Variants in VAPB observed in about 807,000 individuals in gnomAD.
VAPB encodes the protein vesicle-associated membrane protein-associated protein B/C.
VAPB carries 7 observed loss-of-function variants against 25.6 expected under a neutral mutation model. That is an observed-to-expected ratio of 0.27 (90% CI 0.16 to 0.51). The LOEUF is 0.51. VAPB is among the 20% of genes least tolerant of loss of function. The pLI is 0.97. For synonymous variants in VAPB, 112 were observed against 109.2 expected, an observed-to-expected ratio of 1.03 and a Z score of -0.16; for missense variants, 266 against 301.3, an observed-to-expected ratio of 0.88 and a Z score of 0.87.
chr20:58,450,266 TTG>T lies in VAPB; in HGVS notation c.*6033_*6034del. The T allele has an allele frequency of 2.2e-6, 1 of 452,676 alleles. No homozygotes were observed. Among genetic ancestry groups the T allele is most frequent in the Non-Finnish European group, 4.4e-6 (1 of 225,818 alleles). The allele number at this position is 452,676 out of a possible 1,614,324, so 28.0% of individuals were successfully genotyped here. On this transcript the variant is annotated 3_prime_UTR_variant, in exon 6 of 6. Coordinates refer to ENST00000475243, the MANE Select transcript of VAPB (RefSeq NM_004738.5). ...ATGTGAATTCAAAGGTCAGAATTTA[TTG>T]TCTGTGATATTGAGACCATGTGTAC...
At position 58,434,618 on chromosome 20, in the gene VAPB, C is replaced by T. The variant is rs548727806; in HGVS notation, c.228C>T (p.Phe76=). Residue 76 remains phenylalanine, a synonymous_variant, in exon 3 of 6, where the codon TTC becomes TTT. Coordinates refer to ENST00000475243, the MANE Select transcript of VAPB (RefSeq NM_004738.5). ...SINVSVMLQP[F]DYDPNEKSKH... ...CTTTCTCAGTGATGTTACAGCCTTT[C>T]GATTATGATCCCAATGAGAAAAGTA... 5 of 1,574,178 alleles carry T rather than the reference C, an allele frequency of 3.2e-6. No individual in the cohort carries two copies. Among genetic ancestry groups the T allele is most frequent in the East Asian group, 2.2e-5 (1 of 44,676 alleles).
chr20:58,392,532 A>T (rs1300711027), intron 1 of VAPB, among the ~76,000 whole-genome samples: 1 of 152,244 alleles, frequency 6.6e-6, no homozygotes. Context: ...ATGCTAAGAC[A>T]GTACAATTAA....
At chr20:58,398,022 T>G (rs1264447150) in intron 1 of VAPB, among the ~76,000 whole-genome samples, 1 of 152,200 alleles carries the variant, frequency 6.6e-6, no homozygotes, top group Non-Finnish European at 1.5e-5. Context: ...CGGAGTTACA[T>G]CCTCAGAAAC....
chr20:58,411,025 A>G (rs529747032), intron 1 of VAPB, among the ~76,000 whole-genome samples: 34 of 152,276 alleles, frequency 2.2e-4, no homozygotes, highest in African/African-American at 9.6e-5. Context: ...TAAGTTTTCA[A>G]CTTACTTGGG....
intron 1 of VAPB, 32 bp downstream of exon 1, chr20:58,389,549 G>A (rs1389732901): frequency 1.3e-6 from 2 of 1,552,130 alleles, no homozygotes; most frequent in Non-Finnish European, 1.7e-6. Context: ...CTTCCTGCCC[G>A]CGGCCTCCGC....
intron 3 of VAPB, among the ~76,000 whole-genome samples, chr20:58,438,629 G>T (rs1445594521): frequency 6.6e-6 from 1 of 152,202 alleles, no homozygotes; most frequent in Non-Finnish European, 1.5e-5. Context: ...TGGTCATCCA[G>T]ACATTGTTTA....
chr20:58,398,542 C>T (rs1024851346), intron 1 of VAPB, among the ~76,000 whole-genome samples: 6 of 148,220 alleles, frequency 4.0e-5, no homozygotes, highest in Non-Finnish European at 8.9e-5. Flanking sequence ...AGTTTCCAGC[C>T]TCTAGGTATT....
At chr20:58,402,862 T>C (rs1028495311) in intron 1 of VAPB, among the ~76,000 whole-genome samples, 11 of 152,056 alleles carry the variant, frequency 7.2e-5, no homozygotes, top group Non-Finnish European at 1.6e-4. Context: ...GAAATTAACC[T>C]GGTGTGGTGG....
At chr20:58,409,775 C>G (rs1382778361) in intron 1 of VAPB, among the ~76,000 whole-genome samples, 3 of 151,914 alleles carry the variant, frequency 2.0e-5, no homozygotes, top group African/African-American at 4.8e-5. Context: ...GGTTGAGTTT[C>G]AAAGTATTGT....
intron 4 of VAPB, chr20:58,439,415 C>G (rs923962916): frequency 1.3e-4 from 33 of 263,860 alleles, no homozygotes; most frequent in African/African-American, 5.6e-4. Context: ...TCTTGTTTTA[C>G]AAAGTGCCCT....
At chr20:58,393,002 G>A (rs1987846240) in intron 1 of VAPB, among the ~76,000 whole-genome samples, 1 of 152,138 alleles carries the variant, frequency 6.6e-6, no homozygotes, top group Non-Finnish European at 1.5e-5. Flanking sequence ...TGAACATTAA[G>A]CTCTTTCAGA....
At chr20:58,442,134 C>G (rs1195367714) in intron 5 of VAPB, among the ~76,000 whole-genome samples, 1 of 152,178 alleles carries the variant, frequency 6.6e-6, no homozygotes, top group Non-Finnish European at 1.5e-5. Flanking sequence ...TGCTAAACAC[C>G]TCTAAGGCCC....
At chr20:58,444,019 G>A (rs1228607962) in intron 5 of VAPB, 58 bp from the exon 6 acceptor site, 23 of 1,613,302 alleles carry the variant, frequency 1.4e-5, no homozygotes, top group Non-Finnish European at 1.1e-5. Context: ...AAGCTGTACA[G>A]TTGACTCCCC....
At chr20:58,419,867 G>T (rs1302415626) in intron 2 of VAPB, among the ~76,000 whole-genome samples, 5 of 152,182 alleles carry the variant, frequency 3.3e-5, no homozygotes. Context: ...TTTATAGGAA[G>T]AATAGGGAAT....
intron 1 of VAPB, among the ~76,000 whole-genome samples, chr20:58,398,173 C>A (rs1263764622): frequency 3.3e-5 from 5 of 152,168 alleles, no homozygotes; most frequent in Non-Finnish European, 7.4e-5. Context: ...TAGCACAAAG[C>A]CTATTGTATG....
At position 58,447,887 on chromosome 20, in the gene VAPB, G is replaced by T. The variant is rs1568724836; in HGVS notation, c.*3652G>T. 1 of 453,462 alleles carries T rather than the reference G, an allele frequency of 2.2e-6. No individual in the cohort carries two copies. The highest frequency in any genetic ancestry group is 4.4e-6 in the Non-Finnish European group (1 of 226,726). 28.1% of individuals were successfully genotyped at this position (453,462 alleles called of 1,614,324 possible). ...CATGTATGAAGAGATAGGGGTCTTG[G>T]GCTTCCCAGTGTCACTTTGAACACC... On this transcript the variant is annotated 3_prime_UTR_variant, in exon 6 of 6. Transcript: ENST00000475243.
At position 58,449,634 on chromosome 20, in the gene VAPB, C is replaced by T; in HGVS notation, c.*5399C>T. The T allele has an allele frequency of 2.2e-6, 1 of 453,960 alleles. No individual in the cohort carries two copies. Among genetic ancestry groups the T allele is most frequent in the Non-Finnish European group, 4.4e-6 (1 of 226,692 alleles). 28.1% of individuals were successfully genotyped at this position (453,960 alleles called of 1,614,324 possible). A position where few individuals can be genotyped will look rare whatever the true frequency, so the allele number is the denominator to read the frequency against. ...AAGATGTCAGTTGAATAAAACAGTA[C>T]TGTGGGAGAATCGCTTTCTGCTGCT... is the stretch of plus-strand genomic sequence containing the variant. On this transcript the variant is annotated 3_prime_UTR_variant, in exon 6 of 6. Coordinates refer to ENST00000475243, the MANE Select transcript of VAPB (RefSeq NM_004738.5).
chr20:58,398,905 A>G (rs1037840606), intron 1 of VAPB, among the ~76,000 whole-genome samples: 1 of 151,400 alleles, frequency 6.6e-6, no homozygotes, highest in East Asian at 1.9e-4. Context: ...CCCTTAAAAG[A>G]TAAGTGGGAG....
At chr20:58,429,971 G>A (rs931275762) in intron 2 of VAPB, among the ~76,000 whole-genome samples, 2 of 151,570 alleles carry the variant, frequency 1.3e-5, no homozygotes, top group South Asian at 2.1e-4. Context: ...CTACTCAGGA[G>A]GCAAGGCAGG....
Sources: gnomAD v4.1 joint callset for allele counts (sites outside exome capture counted in the v4.1 genomes callset) on GRCh38, gnomAD v4.1.1 for gene constraint, MANE v1.5 for transcripts, NCBI Gene and HGNC (gene_info 2026-07-23, HGNC 2026-07-21) for gene names.